The following SLC10A7 variants were observed in gnomAD, a reference collection of about 807,000 sequenced individuals.
SLC10A7 encodes the protein sodium/bile acid cotransporter 7.
SLC10A7 carries 29 observed loss-of-function variants against 43.2 expected under a neutral mutation model. That is an observed-to-expected ratio of 0.67 (90% CI 0.50 to 0.92). The LOEUF is 0.92. SLC10A7 is among the 40% of genes least tolerant of loss of function. The pLI is 0.00. For missense variants in SLC10A7, 295 were observed against 403.2 expected, an observed-to-expected ratio of 0.73 and a Z score of 2.30; for synonymous variants, 152 against 144.8, an observed-to-expected ratio of 1.05 and a Z score of -0.35.
At chr4:146,468,854 T>G (rs1733301320) in intron 4 of SLC10A7, among the ~76,000 whole-genome samples, 2 of 152,188 alleles carry the variant, frequency 1.3e-5, no homozygotes, top group African/African-American at 4.8e-5. Flanking sequence ...TACTTCTTTG[T>G]TAATATTTAG....
intron 5 of SLC10A7, among the ~76,000 whole-genome samples, chr4:146,343,224 T>C (rs1378451263): frequency 6.6e-6 from 1 of 152,082 alleles, no homozygotes; most frequent in African/African-American, 2.4e-5. Context: ...TTTTTCTATT[T>C]TCCCCAGACA....
At chr4:146,345,157 A>AT (rs978551006) in intron 5 of SLC10A7, among the ~76,000 whole-genome samples, 46 of 152,156 alleles carry the variant, frequency 3.0e-4, no homozygotes, top group Non-Finnish European at 1.0e-4. Flanking sequence ...ATGCAGAGGG[A>AT]TAAACAGTGA....
At chr4:146,375,899 C>T (rs940409785) in intron 5 of SLC10A7, among the ~76,000 whole-genome samples, 1 of 152,168 alleles carries the variant, frequency 6.6e-6, no homozygotes, top group Non-Finnish European at 1.5e-5. Flanking sequence ...ACTTCACATG[C>T]TAATCACAAG....
chr4:146,436,917 T>A (rs1401053303), intron 5 of SLC10A7, among the ~76,000 whole-genome samples: 1 of 152,124 alleles, frequency 6.6e-6, no homozygotes, highest in Admixed American at 6.5e-5. Context: ...TGGCTTGAAA[T>A]AAATTTAAAT....
In SLC10A7 at chr4:146,293,924, A is replaced by G. The variant is rs749946979; in HGVS notation, c.721+6T>C. On this transcript the variant is annotated splice_donor_region_variant and intron_variant, in intron 8 of 11. Coordinates refer to ENST00000335472, the MANE Select transcript of SLC10A7 (RefSeq NM_001029998.6). ...GATAGCCAGGCTATCCCATTTTCCA[A>G]CTTACTTATGAACAGTATGAGAACA... The G allele has an allele frequency of 1.4e-5, 23 of 1,601,202 alleles. No individual in the cohort carries two copies. The South Asian group carries it at 2.0e-4, about 14-fold the overall frequency.
intron 5 of SLC10A7, among the ~76,000 whole-genome samples, chr4:146,386,671 G>A (rs1738020196): frequency 6.6e-6 from 1 of 152,048 alleles, no homozygotes; most frequent in Non-Finnish European, 1.5e-5. Context: ...TTTTTGGAAT[G>A]TACTGTTATC....
intron 6 of SLC10A7, among the ~76,000 whole-genome samples, chr4:146,312,600 C>T (rs1732056939): frequency 1.3e-5 from 2 of 152,080 alleles, no homozygotes; most frequent in Admixed American, 6.6e-5. Context: ...TCCCTGGCTC[C>T]TGGTAACCTC....
intron 4 of SLC10A7, among the ~76,000 whole-genome samples, chr4:146,461,221 T>A (rs1732500318): frequency 6.6e-6 from 1 of 152,042 alleles, no homozygotes; most frequent in Admixed American, 6.6e-5. Flanking sequence ...CACAGAGGCA[T>A]TTATAAAATA....
At position 146,428,045 on chromosome 4, in the gene SLC10A7, C is replaced by T. The variant is rs1038539304; in HGVS notation, c.435+14738G>A. On this transcript the variant is annotated intron_variant, in intron 5 of 11. Coordinates refer to ENST00000335472, the MANE Select transcript of SLC10A7 (RefSeq NM_001029998.6). ...AAAAAAAATTAGCTGGGCATGGTGG[C>T]GCATGCCTGTAGTCCCAGCTACTTG... Among the ~76,000 whole-genome samples the T allele has an allele frequency of 5.3e-5, 8 of 151,896 alleles. No homozygotes were observed. The South Asian group carries it at 6.2e-4, about 12-fold the overall frequency.
chr4:146,324,642 G>T (rs1429960964), intron 6 of SLC10A7, among the ~76,000 whole-genome samples: 1 of 152,064 alleles, frequency 6.6e-6, no homozygotes, highest in East Asian at 1.9e-4. Context: ...CCTGCATCCT[G>T]TGCCCACCAA....
intron 5 of SLC10A7, among the ~76,000 whole-genome samples, chr4:146,361,596 A>G (rs943809507): frequency 4.6e-5 from 7 of 152,216 alleles, no homozygotes; most frequent in Non-Finnish European, 1.0e-4. Flanking sequence ...AATTCCTGGA[A>G]AGCCCTCTCA....
chr4:146,270,266 A>G (rs1728812944), intron 10 of SLC10A7, among the ~76,000 whole-genome samples: 1 of 152,202 alleles, frequency 6.6e-6, no homozygotes, highest in Non-Finnish European at 1.5e-5. Flanking sequence ...AAAACCCTGG[A>G]AGTCACTTCT....
At chr4:146,451,580 A>C (rs560916593) in intron 4 of SLC10A7, among the ~76,000 whole-genome samples, 30 of 152,162 alleles carry the variant, frequency 2.0e-4, no homozygotes, top group Non-Finnish European at 4.3e-4. Context: ...CAACACATGC[A>C]AATCAATACA....
chr4:146,411,885 G>A (rs994430474), intron 5 of SLC10A7, among the ~76,000 whole-genome samples: 3 of 152,058 alleles, frequency 2.0e-5, no homozygotes, highest in African/African-American at 4.8e-5. Context: ...GTCAAGTGCA[G>A]ATGAAAGGAA....
At chr4:146,418,152 G>A (rs984702174) in intron 5 of SLC10A7, among the ~76,000 whole-genome samples, 7 of 152,094 alleles carry the variant, frequency 4.6e-5, no homozygotes, top group Non-Finnish European at 8.8e-5. Flanking sequence ...TAGCATTTGC[G>A]CTCTTCTTCC....
At chr4:146,339,974 C>T (rs111723727) in intron 5 of SLC10A7, among the ~76,000 whole-genome samples, 6 of 151,642 alleles carry the variant, frequency 4.0e-5, no homozygotes, top group African/African-American at 1.5e-4. Context: ...CTCTCCCTCC[C>T]CTTGTCCCCC....
intron 11 of SLC10A7, 83 bp from the exon 12 acceptor site, chr4:146,256,603 C>CTAAT: frequency 6.8e-7 from 1 of 1,477,138 alleles, no homozygotes; most frequent in Non-Finnish European, 9.5e-7. Context: ...ATAATTTATG[C>CTAAT]TATTAGAAGG....
chr4:146,332,129 C>T (rs775821620), intron 5 of SLC10A7, among the ~76,000 whole-genome samples: 1 of 152,160 alleles, frequency 6.6e-6, no homozygotes, highest in Non-Finnish European at 1.5e-5. Context: ...TTCCCCTTTA[C>T]AACTAGACCT....
intron 5 of SLC10A7, among the ~76,000 whole-genome samples, chr4:146,387,823 T>C (rs1738121990): frequency 6.6e-6 from 1 of 152,098 alleles, no homozygotes; most frequent in Non-Finnish European, 1.5e-5. Context: ...CTCAGTCTCA[T>C]TTATAATACA....
Sources: gnomAD v4.1 joint callset for allele counts (sites outside exome capture counted in the v4.1 genomes callset) on GRCh38, gnomAD v4.1.1 for gene constraint, MANE v1.5 for transcripts, NCBI Gene and HGNC (gene_info 2026-07-23, HGNC 2026-07-21) for gene names.